The following ADGRL4 variants were observed in gnomAD, a reference collection of about 807,000 sequenced individuals.
ADGRL4 encodes the protein adhesion G protein-coupled receptor L4, also known as EGF, latrophilin and seven transmembrane domain containing 1.
A neutral mutation model predicts 74.8 loss-of-function variants in ADGRL4; 90 were observed. The observed-to-expected ratio is 1.20, with a 90% confidence interval of 1.02 to 1.43. The LOEUF is 1.43. ADGRL4 is among the 40% of genes most tolerant of loss of function. The pLI, the probability that ADGRL4 is intolerant of heterozygous loss-of-function variation, is 0.00. For synonymous variants in ADGRL4, 311 were observed against 279.2 expected, an observed-to-expected ratio of 1.11 and a Z score of -1.14; for missense variants, 881 against 814.3, an observed-to-expected ratio of 1.08 and a Z score of -1.00.
intron 2 of ADGRL4, among the ~76,000 whole-genome samples, chr1:78,954,444 G>A (rs1426935378): frequency 6.6e-6 from 1 of 151,962 alleles, no homozygotes; most frequent in African/African-American, 2.4e-5. Context: ...AAACAAATGA[G>A]CTATCATTAA....
chr1:78,979,928 G>T (rs1365193532), intron 2 of ADGRL4, among the ~76,000 whole-genome samples: 2 of 151,798 alleles, frequency 1.3e-5, no homozygotes, highest in Non-Finnish European at 2.9e-5. Context: ...ATTACATATT[G>T]GGTACAGGGT....
At chr1:78,998,568 C>G (rs1180144013) in intron 2 of ADGRL4, among the ~76,000 whole-genome samples, 1 of 151,976 alleles carries the variant, frequency 6.6e-6, no homozygotes, top group African/African-American at 2.4e-5. Flanking sequence ...CGGGGTTTCA[C>G]CATGTTTGCC....
intron 9 of ADGRL4, 98 bp downstream of exon 9, chr1:78,921,515 C>A: frequency 2.6e-6 from 2 of 762,896 alleles, no homozygotes; most frequent in South Asian, 4.0e-5. Flanking sequence ...TATCTAAACC[C>A]AAGAAAAATA....
chr1:78,946,160 A>T, intron 3 of ADGRL4, 114 bp downstream of exon 3: 1 of 634,490 alleles, frequency 1.6e-6, no homozygotes, highest in Non-Finnish European at 2.5e-6. Context: ...GAAAGTACTT[A>T]ACACGTAGGG....
chr1:78,945,313 T>C (rs902988925), intron 3 of ADGRL4, among the ~76,000 whole-genome samples: 1 of 151,742 alleles, frequency 6.6e-6, no homozygotes, highest in Non-Finnish European at 1.5e-5. Flanking sequence ...ATGTTGCATG[T>C]AGGTTCCTGA....
intron 3 of ADGRL4, among the ~76,000 whole-genome samples, chr1:78,945,177 A>AAAAAATATATAT (rs376405445): frequency 7.8e-6 from 1 of 127,924 alleles, no homozygotes; most frequent in Non-Finnish European, 1.6e-5. Flanking sequence ...AAAAAAAAAA[A>AAAAAATATATAT]ATATATATAT....
At chr1:78,941,079 T>C (rs1156684944) in intron 3 of ADGRL4, among the ~76,000 whole-genome samples, 2 of 152,084 alleles carry the variant, frequency 1.3e-5, no homozygotes, top group African/African-American at 4.8e-5. Flanking sequence ...ACACAAATGC[T>C]CCTGTAGCAC....
intron 2 of ADGRL4, among the ~76,000 whole-genome samples, chr1:78,949,545 T>A (rs1212339084): frequency 6.6e-6 from 1 of 152,114 alleles, no homozygotes; most frequent in Non-Finnish European, 1.5e-5. Flanking sequence ...CCCTCAAGAT[T>A]GTGGAGATAG....
intron 7 of ADGRL4, among the ~76,000 whole-genome samples, chr1:78,931,003 G>A (rs1649230707): frequency 6.6e-6 from 1 of 151,236 alleles, no homozygotes; most frequent in Non-Finnish European, 1.5e-5. Context: ...CAAATTATAA[G>A]AGAAATCTAA....
Position 78,890,998 on chromosome 1 carries a change from A to T in ADGRL4, c.*156T>A. On this transcript the variant is annotated 3_prime_UTR_variant, in exon 15 of 15. Transcript: ENST00000370742. ...GATACATAATTTTACCTTATTATCT[A>T]CAGTTCCTATAGCATAAACAGAAAA... 1 of 720,938 alleles carries T rather than the reference A, an allele frequency of 1.4e-6. No individual in the cohort carries two copies. Among genetic ancestry groups the T allele is most frequent in the Non-Finnish European group, 2.4e-6 (1 of 410,534 alleles). The allele number at this position is 720,938 out of a possible 1,614,324, so 44.7% of individuals were successfully genotyped here.
intron 14 of ADGRL4, 54 bp downstream of exon 14, chr1:78,891,470 G>C (rs1557487446): frequency 6.6e-7 from 1 of 1,524,608 alleles, no homozygotes; most frequent in Non-Finnish European, 8.9e-7. Context: ...TATCAATTTG[G>C]CAACTGATGT....
intron 2 of ADGRL4, among the ~76,000 whole-genome samples, chr1:78,999,746 C>T (rs1650799377): frequency 6.6e-6 from 1 of 151,980 alleles, no homozygotes; most frequent in African/African-American, 2.4e-5. Flanking sequence ...TGTCATTGAT[C>T]CCTTATCACT....
At chr1:78,991,777 T>C (rs1386118921) in intron 2 of ADGRL4, among the ~76,000 whole-genome samples, 2 of 152,000 alleles carry the variant, frequency 1.3e-5, no homozygotes, top group Admixed American at 1.3e-4. Context: ...AGGAGATTAT[T>C]TCTGCTCCCA....
At chr1:78,960,296 C>T (rs910643001) in intron 2 of ADGRL4, among the ~76,000 whole-genome samples, 1 of 151,912 alleles carries the variant, frequency 6.6e-6, no homozygotes, top group Non-Finnish European at 1.5e-5. Context: ...ATACATGGCA[C>T]TTTATGATTT....
chr1:78,972,462 C>T (rs557217561), intron 2 of ADGRL4, among the ~76,000 whole-genome samples: 38 of 152,016 alleles, frequency 2.5e-4, no homozygotes, highest in Middle Eastern at 3.4e-3. Context: ...TAATAAAATC[C>T]GAAACATGAG....
intron 2 of ADGRL4, among the ~76,000 whole-genome samples, chr1:78,993,942 T>C (rs1188146324): frequency 6.6e-6 from 1 of 152,178 alleles, no homozygotes; most frequent in Non-Finnish European, 1.5e-5. Context: ...ATCAAAATCA[T>C]ATTTGATACA....
chr1:78,989,585 G>A (rs952879837), intron 2 of ADGRL4, among the ~76,000 whole-genome samples: 3 of 151,610 alleles, frequency 2.0e-5, no homozygotes, highest in Admixed American at 6.6e-5. Flanking sequence ...CGAAGTGCCC[G>A]TTATGTGTTG....
At position 78,920,279 on chromosome 1, in the gene ADGRL4, A is replaced by T; in HGVS notation, c.1365T>A (p.Ile455=). The T allele has an allele frequency of 6.2e-7, 1 of 1,612,102 alleles. No homozygotes were observed. Among genetic ancestry groups the T allele is most frequent in the Non-Finnish European group, 8.5e-7 (1 of 1,178,776 alleles). The stretch of plus-strand genomic sequence containing the variant: ...TGTGAATTGTTGTCCTGGTGCTTTG[A>T]ATTTCACTGAAGAACCAGAAGGTAA... ...CIFTFWFFSE[I]QSTRTTIHKN... The change falls in exon 10 of 15, where the codon ATT becomes ATA. Residue 455 remains isoleucine, a synonymous_variant. Transcript: ENST00000370742.
chr1:78,991,740 C>T (rs1009970805), intron 2 of ADGRL4, among the ~76,000 whole-genome samples: 2 of 151,960 alleles, frequency 1.3e-5, no homozygotes, highest in Admixed American at 1.3e-4. Context: ...ATGTTAATTA[C>T]ACAAAACCTA....
Sources: gnomAD v4.1 joint callset for allele counts (sites outside exome capture counted in the v4.1 genomes callset) on GRCh38, gnomAD v4.1.1 for gene constraint, MANE v1.5 for transcripts, NCBI Gene and HGNC (gene_info 2026-07-23, HGNC 2026-07-21) for gene names.